Variants in RTL4 observed in about 807,000 individuals in gnomAD.
RTL4 encodes the protein retrotransposon Gag like 4.
RTL4 carries 4 observed loss-of-function variants against 5.3 expected under a neutral mutation model. That is an observed-to-expected ratio of 0.75 (90% CI 0.37 to 1.72). The LOEUF is 1.72. Among genes scored for constraint, RTL4 ranks in the 40% most tolerant of loss-of-function variants. RTL4 has a pLI of 0.04. For missense variants in RTL4, 260 were observed against 227.1 expected, an observed-to-expected ratio of 1.14 and a Z score of -0.93; for synonymous variants, 98 against 87.3, an observed-to-expected ratio of 1.12 and a Z score of -0.68.
At chrX:112,335,243 C>T in the RTL4 span, among the ~76,000 whole-genome samples, 1 of 111,612 alleles carries the variant, frequency 9.0e-6, no homozygotes, top group Non-Finnish European at 1.9e-5. Context: ...ATACTGTTAT[C>T]ACGGAGTTTG....
At chrX:112,445,405 A>C in the RTL4 span, among the ~76,000 whole-genome samples, 1 of 112,236 alleles carries the variant, frequency 8.9e-6, no homozygotes, top group Non-Finnish European at 1.9e-5. Flanking sequence ...CCCTTTGAGG[A>C]GAGACTTGCT....
At chrX:112,121,684 T>A in the RTL4 span, among the ~76,000 whole-genome samples, 3 of 111,782 alleles carry the variant, frequency 2.7e-5, no homozygotes, top group South Asian at 7.5e-4. Context: ...AAATATTTTT[T>A]AAAATATTAA....
At chrX:112,126,908 T>C in the RTL4 span, among the ~76,000 whole-genome samples, 20 of 111,269 alleles carry the variant, frequency 1.8e-4, no homozygotes, top group African/African-American at 6.5e-4. Context: ...TAAAAACCCA[T>C]AAAAAGACTG....
the RTL4 span, among the ~76,000 whole-genome samples, chrX:112,410,821 A>G: frequency 8.9e-6 from 1 of 112,028 alleles, no homozygotes; most frequent in African/African-American, 3.2e-5. Context: ...TGTATCTTAA[A>G]GAATGAGAAA....
the RTL4 span, among the ~76,000 whole-genome samples, chrX:112,301,891 G>A: frequency 6.4e-5 from 7 of 109,163 alleles, no homozygotes; most frequent in Non-Finnish European, 3.8e-5. Context: ...CTTGAGCCCA[G>A]GAGGTCGAGG....
chrX:112,333,083 G>GGTGTGT, the RTL4 span, among the ~76,000 whole-genome samples: 40 of 104,519 alleles, frequency 3.8e-4, no homozygotes, highest in Non-Finnish European at 4.9e-4. Flanking sequence ...CTCCTTCAAT[G>GGTGTGT]GTGTGTGTGT....
chrX:112,353,287 G>A, the RTL4 span, among the ~76,000 whole-genome samples: 8 of 111,077 alleles, frequency 7.2e-5, no homozygotes, highest in Non-Finnish European at 9.4e-5. Flanking sequence ...ATTCCTCAGG[G>A]ATCTAGAACT....
chrX:112,355,054 T>G, the RTL4 span, among the ~76,000 whole-genome samples: 1 of 111,723 alleles, frequency 9.0e-6, no homozygotes, highest in Non-Finnish European at 1.9e-5. Context: ...GTTTCTGCTG[T>G]TAAGTCTCTG....
the RTL4 span, among the ~76,000 whole-genome samples, chrX:112,403,762 A>G: frequency 2.7e-5 from 3 of 111,578 alleles, no homozygotes; most frequent in Non-Finnish European, 3.8e-5. Flanking sequence ...TTGTTAGTTT[A>G]TTTTTTCTTG....
At chrX:112,136,935 T>C in the RTL4 span, among the ~76,000 whole-genome samples, 2 of 111,836 alleles carry the variant, frequency 1.8e-5, no homozygotes, top group Non-Finnish European at 3.8e-5. Context: ...GAAAATCTTC[T>C]TGACATTGGC....
the RTL4 span, among the ~76,000 whole-genome samples, chrX:112,419,629 G>GTATATGTATATATATATATATATT: frequency 1.0e-4 from 1 of 9,905 alleles, no homozygotes; most frequent in African/African-American, 1.6e-4. Flanking sequence ...ATATATTTAA[G>GTATATGTATATATATATATATATT]TATGTAAATC....
At chrX:112,330,849 A>G in the RTL4 span, among the ~76,000 whole-genome samples, 6 of 110,913 alleles carry the variant, frequency 5.4e-5, no homozygotes, top group African/African-American at 1.3e-4. Flanking sequence ...CAAAAATAAC[A>G]CCGCATATCT....
At chrX:112,306,603 A>T in the RTL4 span, among the ~76,000 whole-genome samples, 10 of 111,260 alleles carry the variant, frequency 9.0e-5, no homozygotes, top group Non-Finnish European at 1.5e-4. Context: ...AATTGGTTCA[A>T]ACAGATAGCG....
At chrX:112,171,360 A>G in the RTL4 span, among the ~76,000 whole-genome samples, 1 of 112,004 alleles carries the variant, frequency 8.9e-6, no homozygotes, top group Non-Finnish European at 1.9e-5. Context: ...CTGAATGAAT[A>G]CAGCTATAAG....
chrX:112,292,376 C>A, the RTL4 span, among the ~76,000 whole-genome samples: 1 of 111,679 alleles, frequency 9.0e-6, no homozygotes, highest in Non-Finnish European at 1.9e-5. Flanking sequence ...AGTATCTCCC[C>A]ATAGACGCTT....
At chrX:112,178,542 A>G in the RTL4 span, among the ~76,000 whole-genome samples, 46 of 112,075 alleles carry the variant, frequency 4.1e-4, no homozygotes, top group African/African-American at 1.5e-3. Context: ...AGTTTGTAAT[A>G]TCTTTACAAC....
At chrX:112,323,180 C>A in the RTL4 span, among the ~76,000 whole-genome samples, 1 of 112,216 alleles carries the variant, frequency 8.9e-6, no homozygotes, top group Non-Finnish European at 1.9e-5. Flanking sequence ...TGATTTTCAA[C>A]TTTGTCAGTT....
At chrX:112,152,388 C>T in the RTL4 span, among the ~76,000 whole-genome samples, 2 of 111,772 alleles carry the variant, frequency 1.8e-5, no homozygotes, top group Non-Finnish European at 3.8e-5. Context: ...TAGTTGGGAG[C>T]TTGGAGAATA....
At chrX:112,208,699 G>A in the RTL4 span, among the ~76,000 whole-genome samples, 15 of 112,177 alleles carry the variant, frequency 1.3e-4, no homozygotes, top group African/African-American at 4.9e-4. Flanking sequence ...AGAAATTCTA[G>A]GTGTGTATGT....
Sources: gnomAD v4.1 joint callset for allele counts (sites outside exome capture counted in the v4.1 genomes callset) on GRCh38, gnomAD v4.1.1 for gene constraint, MANE v1.5 for transcripts, NCBI Gene and HGNC (gene_info 2026-07-23, HGNC 2026-07-21) for gene names.